PSEN2: variants seen among roughly 807,000 people sequenced by gnomAD.
PSEN2 encodes presenilin-2.
PSEN2 carries 32 observed loss-of-function variants against 49.1 expected under a neutral mutation model. The ratio of observed to expected loss-of-function variants is 0.65; its 90% CI spans 0.49 to 0.88. PSEN2 has a LOEUF of 0.88. Among genes scored for constraint, PSEN2 ranks in the 40% least tolerant of loss-of-function variants. The pLI is 0.00. For missense variants in PSEN2, 522 were observed against 586.9 expected, an observed-to-expected ratio of 0.89 and a Z score of 1.14; for synonymous variants, 255 against 244.0, an observed-to-expected ratio of 1.05 and a Z score of -0.42.
Position 226,883,651 on chromosome 1 carries a change from G to C in PSEN2, c.142-54G>C, listed in dbSNP as rs1259561385. On this transcript the variant is annotated intron_variant, in intron 4 of 12. Coordinates refer to ENST00000366783, the MANE Select transcript of PSEN2 (RefSeq NM_000447.3). The stretch of plus-strand genomic sequence containing the variant: ...GGTTCCAAAAATCCGTGCATTACAT[G>C]GATAGGCTGCCGTGGGGGACATTCT... 5.2e-6 allele frequency: 8 copies of C among 1,551,892 alleles called. No individual in the cohort carries two copies. In the African/African-American group the frequency reaches 6.8e-5, roughly 13 times the overall value.
chr1:226,880,783 G>T, intron 3 of PSEN2: 2 of 1,609,084 alleles, frequency 1.2e-6, no homozygotes, highest in Non-Finnish European at 1.7e-6. Context: ...ACTGTTTTAG[G>T]GGGCAGGCTT....
At position 226,891,361 on chromosome 1, in the gene PSEN2, GGTGA is replaced by G. The variant is rs775692311; in HGVS notation, c.970+3_970+6del. 8.7e-6 allele frequency: 14 copies of G among 1,610,944 alleles called. No individual in the cohort carries two copies. The highest frequency in any genetic ancestry group is 1.2e-5 in the Non-Finnish European group (14 of 1,178,850). The stretch of plus-strand genomic sequence containing the variant: ...CCAGCTCCCCTACGACCCGGAGATG[GGTGA>G]GTATCTTGGGGAGCTAACAGCCTCT... On this transcript the variant is annotated splice_donor_variant and splice_donor_region_variant and intron_variant, in intron 10 of 12. Transcript: ENST00000366783. LOFTEE classifies it high-confidence loss of function.
At position 226,885,531 on chromosome 1, in the gene PSEN2, C is replaced by T; in HGVS notation, c.357-7C>T. On this transcript the variant is annotated splice_region_variant and splice_polypyrimidine_tract_variant and intron_variant, in intron 5 of 12. Coordinates refer to ENST00000366783, the MANE Select transcript of PSEN2 (RefSeq NM_000447.3). ...CGGGAGCATCAGCCCTTTGCCTTCT[C>T]CCTCAGCATCTACACGCCATTCACT... The T allele has an allele frequency of 6.2e-7, 1 of 1,613,838 alleles. No homozygotes were observed. Among genetic ancestry groups the T allele is most frequent in the South Asian group, 1.1e-5 (1 of 91,000 alleles).
Sources: allele counts gnomAD v4.1 joint callset, GRCh38; gene constraint gnomAD v4.1.1; transcripts MANE v1.5; gene names NCBI Gene and HGNC (gene_info 2026-07-23, HGNC 2026-07-21).